OVCH1: variants seen among roughly 807,000 people sequenced by gnomAD.
OVCH1 encodes ovochymase 1.
Under a neutral mutation model 138.4 loss-of-function variants are expected in OVCH1, and 139 were observed. The ratio of observed to expected loss-of-function variants is 1.00; its 90% CI spans 0.87 to 1.16. The LOEUF is 1.16. Ranked by LOEUF, OVCH1 falls within the 50% of genes most tolerant of loss-of-function variation. The pLI is 0.00. For missense variants in OVCH1, 1,367 were observed against 1,357.9 expected, an observed-to-expected ratio of 1.01 and a Z score of -0.11; for synonymous variants, 453 against 467.8, an observed-to-expected ratio of 0.97 and a Z score of 0.41.
chr12:29,496,427 A>C, intron 2 of OVCH1, 129 bp downstream of exon 2: 1 of 1,138,026 alleles, frequency 8.8e-7, no homozygotes, highest in Admixed American at 2.4e-5. Flanking sequence ...CCTACGAAGT[A>C]AACTTTTTGG....
exon 20 of OVCH1, chr12:29,455,290 C>A: frequency 1.2e-6 from 2 of 1,613,900 alleles, no homozygotes; most frequent in Non-Finnish European, 1.7e-6. Flanking sequence ...GATCATCACT[C>A]TGGCAAATAC....
chr12:29,440,597 T>C (rs1406548950), intron 25 of OVCH1: 2 of 372,724 alleles, frequency 5.4e-6, no homozygotes, highest in Non-Finnish European at 1.0e-5. Context: ...CATGAGGCAG[T>C]GCATGGTAAC....
chr12:29,453,371 A>G (rs1442098429), intron 21 of OVCH1, among the ~76,000 whole-genome samples: 1 of 152,134 alleles, frequency 6.6e-6, no homozygotes, highest in East Asian at 1.9e-4. Flanking sequence ...TTCTGAATTC[A>G]ATCACTATAT....
intron 22 of OVCH1, 146 bp from the exon 23 acceptor site, chr12:29,445,549 G>C: frequency 2.4e-6 from 2 of 829,044 alleles, no homozygotes; most frequent in East Asian, 2.7e-5. Context: ...CAGAACATAA[G>C]TGACTCACTC....
rs183559510 is a variant in OVCH1 at position 29,484,630 on chromosome 12, A to G, written c.995+1616T>C. ...CGTAGGGAGACCTTGTCTCAAAAAA[A>G]AATTGCTGAAGTAGAGTGTTTTAAA... is the stretch of plus-strand genomic sequence containing the variant. On this transcript the variant is annotated intron_variant, in intron 8 of 27. Coordinates refer to ENST00000318184, the Ensembl canonical transcript of OVCH1. Among the ~76,000 whole-genome samples, 4 of 152,282 alleles carry G rather than the reference A, an allele frequency of 2.6e-5. No individual in the cohort carries two copies. In the South Asian group the frequency reaches 6.2e-4, roughly 24 times the overall value.
At chr12:29,478,750 G>A (rs2136040736) in intron 9 of OVCH1, 85 bp downstream of exon 10, 2 of 990,754 alleles carry the variant, frequency 2.0e-6, no homozygotes, top group Non-Finnish European at 2.7e-6. Flanking sequence ...AGAGCAGCCA[G>A]AAATTTTATT....
intron 27 of OVCH1, among the ~76,000 whole-genome samples, chr12:29,429,257 G>A (rs1489644675): frequency 6.6e-6 from 1 of 152,102 alleles, no homozygotes; most frequent in African/African-American, 2.4e-5. Context: ...ATGGCATCTG[G>A]ACAAAACCAA....
intron 16 of OVCH1, among the ~76,000 whole-genome samples, chr12:29,465,573 A>C (rs1377226558): frequency 3.9e-5 from 6 of 152,062 alleles, no homozygotes; most frequent in Non-Finnish European, 7.4e-5. Context: ...GGCTCTACTA[A>C]CATGCACTGC....
At chr12:29,473,681 T>A (rs1164589253) in intron 14 of OVCH1, among the ~76,000 whole-genome samples, 2 of 152,114 alleles carry the variant, frequency 1.3e-5, no homozygotes, top group Non-Finnish European at 2.9e-5. Flanking sequence ...ATCTTGAAAA[T>A]CATATTTGTG....
At chr12:29,475,263 C>T in intron 13 of OVCH1, 74 bp from the exon 14 acceptor site, 1 of 1,210,588 alleles carries the variant, frequency 8.3e-7, no homozygotes, top group Admixed American at 3.5e-5. Flanking sequence ...AAATAATCAC[C>T]CAATTTTCTA....
At chr12:29,421,219 C>T (rs534781285) in intron 3 of OVCH1, among the ~76,000 whole-genome samples, 19 of 152,274 alleles carry the variant, frequency 1.2e-4, no homozygotes, top group African/African-American at 3.9e-4. Flanking sequence ...TATTTCTGTC[C>T]GAATTTTCCA....
intron 8 of OVCH1, among the ~76,000 whole-genome samples, chr12:29,481,986 T>C (rs79113084): frequency 0.1 from 15,290 of 152,296 alleles, 1,055 homozygotes; most frequent in Non-Finnish European, 0.16. Context: ...ATCTTTTACC[T>C]GGACTATTGC....
At chr12:29,472,063 A>C (rs1346865936) in intron 15 of OVCH1, 81 bp from the exon 16 acceptor site, 2 of 1,332,096 alleles carry the variant, frequency 1.5e-6, no homozygotes, top group Admixed American at 5.5e-5. Flanking sequence ...CATAGTTAAC[A>C]GTAGTGATTC....
At chr12:29,448,142 T>G (rs545570929) in intron 22 of OVCH1, among the ~76,000 whole-genome samples, 23 of 147,606 alleles carry the variant, frequency 1.6e-4, no homozygotes, top group Non-Finnish European at 2.8e-4. Context: ...AGGCACTAGA[T>G]TATCATAAGG....
chr12:29,456,755 C>T (rs1407771726), intron 19 of OVCH1, among the ~76,000 whole-genome samples: 1 of 152,158 alleles, frequency 6.6e-6, no homozygotes, highest in East Asian at 1.9e-4. Flanking sequence ...AACTTTGTAC[C>T]CTAGGAAACC....
intron 25 of OVCH1, chr12:29,439,530 C>A: frequency 7.5e-7 from 1 of 1,339,468 alleles, no homozygotes; most frequent in Non-Finnish European, 9.6e-7. Flanking sequence ...AAGGAAAAAT[C>A]TCTATCTCTA....
intron 18 of OVCH1, among the ~76,000 whole-genome samples, chr12:29,463,752 A>C (rs565434300): frequency 6.6e-6 from 1 of 152,194 alleles, no homozygotes; most frequent in African/African-American, 2.4e-5. Flanking sequence ...ACGAAAGTGC[A>C]ATTTGGCTTC....
At chr12:29,487,096 G>C in intron 7 of OVCH1, 1 of 306,206 alleles carries the variant, frequency 3.3e-6, no homozygotes, top group Non-Finnish European at 6.6e-6. Context: ...GATGGAGAGA[G>C]CACTATGTTC....
intron 3 of OVCH1, among the ~76,000 whole-genome samples, chr12:29,414,214 TG>T (rs1355483080): frequency 6.6e-6 from 1 of 152,014 alleles, no homozygotes; most frequent in Non-Finnish European, 1.5e-5. Context: ...TTAGTATAGA[TG>T]GTGTTTCACC....
Sources: allele counts gnomAD v4.1 joint callset (sites outside exome capture counted in the v4.1 genomes callset), GRCh38; gene constraint gnomAD v4.1.1; transcripts MANE v1.5; gene names NCBI Gene and HGNC (gene_info 2026-07-23, HGNC 2026-07-21).